Variants in SLC35F1 observed in about 807,000 individuals in gnomAD.
SLC35F1 encodes the protein chromosome 6 open reading frame 169.
In SLC35F1, 14 loss-of-function variants were observed where a neutral mutation model predicts 48.7. That is an observed-to-expected ratio of 0.29 (90% CI 0.19 to 0.45). The LOEUF (loss-of-function observed/expected upper bound fraction) is 0.45. Ranked by LOEUF, SLC35F1 falls within the 20% of genes least tolerant of loss-of-function variation. The pLI, the probability that SLC35F1 is intolerant of heterozygous loss-of-function variation, is 1.00. For missense variants in SLC35F1, 404 were observed against 500.0 expected (o/e 0.81, Z 1.83); for synonymous variants, 190 against 202.2 (o/e 0.94, Z 0.51).
At chr6:118,223,240 C>T (rs570283249) in intron 2 of SLC35F1, among the ~76,000 whole-genome samples, 1 of 152,230 alleles carries the variant, frequency 6.6e-6, no homozygotes, top group Non-Finnish European at 1.5e-5. Context: ...CAGGAGAGAC[C>T]TCGGAAAAAT....
chr6:118,162,147 A>G (rs1774245929), intron 2 of SLC35F1, among the ~76,000 whole-genome samples: 1 of 152,232 alleles, frequency 6.6e-6, no homozygotes, highest in South Asian at 2.1e-4. Context: ...TAAAAAAATT[A>G]CAGTTAATTC....
At chr6:118,185,910 A>G (rs1011506556) in intron 2 of SLC35F1, among the ~76,000 whole-genome samples, 1 of 152,176 alleles carries the variant, frequency 6.6e-6, no homozygotes, top group African/African-American at 2.4e-5. Context: ...GAATAGATTC[A>G]AACCTCCTCT....
intron 1 of SLC35F1, among the ~76,000 whole-genome samples, chr6:117,926,209 T>G (rs1172052962): frequency 6.6e-6 from 1 of 152,166 alleles, no homozygotes; most frequent in Admixed American, 6.5e-5. Flanking sequence ...CATGCTGTTC[T>G]CTTGGTAATG....
chr6:117,966,137 C>CCG lies in SLC35F1; in HGVS notation c.173+58239_173+58240insGC, dbSNP rs1554219369. ...GGAATAAAAGCAGGCCACCGCCCCC[C>CCG]CCCCCACTCCCGCCCCGCCCCAAGC... On this transcript the variant is annotated intron_variant, in intron 1 of 7. Transcript: ENST00000360388. 1.6e-4 allele frequency among the ~76,000 whole-genome samples: 23 copies of CCG among 141,904 alleles called. 3 individuals are homozygous for CCG. Among genetic ancestry groups the CCG allele is most frequent in the African/African-American group, 4.2e-4 (16 of 38,016 alleles). The allele number at this position is 141,904 out of a possible 152,430, so 93.1% of individuals were successfully genotyped here.
At chr6:118,190,110 T>G (rs1357652480) in intron 2 of SLC35F1, among the ~76,000 whole-genome samples, 1 of 152,218 alleles carries the variant, frequency 6.6e-6, no homozygotes, top group East Asian at 1.9e-4. Context: ...TTTAGTCGTT[T>G]TCTTCATTTT....
chr6:117,943,066 T>C (rs1031375756), intron 1 of SLC35F1, among the ~76,000 whole-genome samples: 3 of 152,200 alleles, frequency 2.0e-5, no homozygotes, highest in Non-Finnish European at 4.4e-5. Context: ...TTTTTTCCTG[T>C]CAAATGTACC....
intron 1 of SLC35F1, among the ~76,000 whole-genome samples, chr6:118,078,698 A>G (rs1405211883): frequency 2.0e-5 from 3 of 152,164 alleles, no homozygotes; most frequent in Admixed American, 1.3e-4. Context: ...CTCTTGTAAC[A>G]TAGGGTCTCC....
At chr6:117,940,745 C>T (rs1158798578) in intron 1 of SLC35F1, among the ~76,000 whole-genome samples, 1 of 152,016 alleles carries the variant, frequency 6.6e-6, no homozygotes, top group Non-Finnish European at 1.5e-5. Context: ...ACCTCCCAGG[C>T]TCAGGTGAAC....
chr6:118,103,167 A>G (rs933178156), intron 1 of SLC35F1, among the ~76,000 whole-genome samples: 4 of 152,054 alleles, frequency 2.6e-5, no homozygotes, highest in African/African-American at 9.7e-5. Context: ...ATTATCATCA[A>G]CCTTAAAAGT....
intron 1 of SLC35F1, among the ~76,000 whole-genome samples, chr6:118,069,838 G>T (rs1659140925): frequency 6.6e-6 from 1 of 152,180 alleles, no homozygotes; most frequent in Non-Finnish European, 1.5e-5. Flanking sequence ...GTTTGTTTCT[G>T]CAAGAATGTT....
intron 1 of SLC35F1, among the ~76,000 whole-genome samples, chr6:118,093,247 C>T (rs968676507): frequency 2.0e-5 from 3 of 151,896 alleles, no homozygotes; most frequent in Admixed American, 6.6e-5. Flanking sequence ...ACCCAGCAGG[C>T]GGTGCTTGCA....
At chr6:118,160,924 G>A (rs987108714) in intron 2 of SLC35F1, among the ~76,000 whole-genome samples, 9 of 150,506 alleles carry the variant, frequency 6.0e-5, no homozygotes, top group Non-Finnish European at 1.3e-4. Flanking sequence ...GAGGAGGTTG[G>A]GGGTGGTAGC....
At chr6:118,305,934 A>G (rs1175066170) in intron 7 of SLC35F1, among the ~76,000 whole-genome samples, 5 of 152,174 alleles carry the variant, frequency 3.3e-5, no homozygotes, top group Admixed American at 3.3e-4. Flanking sequence ...TGAAGGGTCA[A>G]GTACACTAAT....
At chr6:118,149,295 G>GA (rs2114458870) in intron 1 of SLC35F1, among the ~76,000 whole-genome samples, 1 of 152,200 alleles carries the variant, frequency 6.6e-6, no homozygotes, top group African/African-American at 2.4e-5. Context: ...GTTATCTAAG[G>GA]AAAAAATATT....
chr6:117,908,710 C>G (rs922770702), intron 1 of SLC35F1, among the ~76,000 whole-genome samples: 2 of 152,234 alleles, frequency 1.3e-5, no homozygotes, highest in Non-Finnish European at 2.9e-5. Context: ...TCTGACTCAA[C>G]TGTGATGTGA....
intron 1 of SLC35F1, among the ~76,000 whole-genome samples, chr6:117,929,911 G>A (rs1776078404): frequency 6.6e-6 from 1 of 152,080 alleles, no homozygotes; most frequent in South Asian, 2.1e-4. Flanking sequence ...AGATGTCCTG[G>A]AATTACTATG....
At chr6:117,968,855 G>T (rs914899911) in intron 1 of SLC35F1, among the ~76,000 whole-genome samples, 1 of 152,074 alleles carries the variant, frequency 6.6e-6, no homozygotes, top group Non-Finnish European at 1.5e-5. Flanking sequence ...TATTGTTTTG[G>T]GAAAATAACT....
intron 2 of SLC35F1, among the ~76,000 whole-genome samples, chr6:118,210,888 C>G (rs1774992994): frequency 6.6e-6 from 1 of 152,120 alleles, no homozygotes; most frequent in Admixed American, 6.5e-5. Context: ...CTGAACTGTG[C>G]CTCTCCCAAA....
At chr6:118,029,020 A>G (rs1231477289) in intron 1 of SLC35F1, among the ~76,000 whole-genome samples, 1 of 152,146 alleles carries the variant, frequency 6.6e-6, no homozygotes. Flanking sequence ...ACATGCAGTT[A>G]AACATTTCAA....
Sources: allele counts gnomAD v4.1 joint callset (sites outside exome capture counted in the v4.1 genomes callset), GRCh38; gene constraint gnomAD v4.1.1; transcripts MANE v1.5; gene names NCBI Gene and HGNC (gene_info 2026-07-23, HGNC 2026-07-21).